The following MYH16 variants were observed in gnomAD, a reference collection of about 807,000 sequenced individuals.
The protein encoded by MYH16 is myosin heavy chain 16, also known as putative uncharacterized protein MYH16.
At chr7:99,279,808 G>T (rs977663863) in intron 22 of MYH16, 71 bp downstream of exon 4, 1 of 410,020 alleles carries the variant, frequency 2.4e-6, no homozygotes, top group African/African-American at 2.1e-5. Context: ...AAGCCCCTAT[G>T]GTGGCTACAC....
intron 14 of MYH16, chr7:99,263,468 T>C (rs550295721): frequency 3.7e-4 from 57 of 152,786 alleles, no homozygotes; most frequent in Admixed American, 5.9e-4. Flanking sequence ...CAGGTAGGGC[T>C]GACCCCTTGT....
intron 1 of MYH16, among the ~76,000 whole-genome samples, chr7:99,241,761 A>G (rs778861152): frequency 5.9e-5 from 9 of 152,174 alleles, no homozygotes; most frequent in Non-Finnish European, 1.2e-4. Context: ...TTCAGGCCTC[A>G]CATCTAAGGT....
In MYH16 at chr7:99,268,904, G is replaced by A. The variant is rs4727430; in HGVS notation, n.2266+1930G>A. On this transcript the variant is annotated intron_variant and non_coding_transcript_variant, in intron 18 of 41. Coordinates refer to ENST00000439784, the Ensembl canonical transcript of MYH16. ...GTTAGGTGCTGTACTCCCTGGCCCCGTGTGGCATTTTGGGTTCCCGCAGCT... is the reference window on the plus strand; with the variant it reads ...GTTAGGTGCTGTACTCCCTGGCCCCATGTGGCATTTTGGGTTCCCGCAGCT... Among the ~76,000 whole-genome samples the A allele has an allele frequency of 2.9e-3, 447 of 152,226 alleles. 12 individuals are homozygous for A. The highest frequency in any genetic ancestry group is 0.025 in the Admixed American group (387 of 15,292).
exon 12 of MYH16, chr7:99,260,192 A>C (rs1791924293): frequency 1.2e-6 from 2 of 1,610,266 alleles, no homozygotes; most frequent in South Asian, 2.2e-5. Context: ...CTATGCATCA[A>C]CTTCACCAAC....
exon 21 of MYH16, chr7:99,277,651 TGGA>T (rs1001205973): frequency 8.8e-6 from 4 of 456,682 alleles, no homozygotes; most frequent in African/African-American, 2.0e-5. Flanking sequence ...GTCAAGGAAC[TGGA>T]GGAGAAGACA....
intron 37 of MYH16, among the ~76,000 whole-genome samples, chr7:99,301,144 T>C (rs10267346): frequency 0.36 from 50,959 of 140,392 alleles, 15,228 homozygotes; most frequent in African/African-American, 0.82. Flanking sequence ...GTAGTGGAGC[T>C]GAGATCATGC....
downstream of MYH16, chr7:99,310,725 C>T (rs942132924): frequency 6.6e-6 from 1 of 152,236 alleles, no homozygotes; most frequent in Non-Finnish European, 1.5e-5. Context: ...ATCTCTCTTT[C>T]TCTCTCTTTC....
intron 20 of MYH16, among the ~76,000 whole-genome samples, chr7:99,275,456 C>A (rs181404064): frequency 1.4e-3 from 217 of 152,330 alleles, no homozygotes; most frequent in African/African-American, 4.3e-3. Flanking sequence ...TGTAGTCTTA[C>A]CTGCTTTAAT....
intron 20 of MYH16, among the ~76,000 whole-genome samples, chr7:99,275,303 T>A (rs1413235672): frequency 1.3e-5 from 2 of 152,176 alleles, no homozygotes; most frequent in Non-Finnish European, 2.9e-5. Context: ...AGCTCATTTT[T>A]AAATTTTTTG....
chr7:99,242,964 G>C (rs1791682128), intron 1 of MYH16, among the ~76,000 whole-genome samples: 1 of 152,226 alleles, frequency 6.6e-6, no homozygotes, highest in Non-Finnish European at 1.5e-5. Context: ...AGAGGTCTCT[G>C]TAACATAGGG....
At chr7:99,277,878 CGTGT>C (rs61634087) in intron 21 of MYH16, among the ~76,000 whole-genome samples, 166 bp downstream of exon 3, 12,439 of 121,094 alleles carry the variant, frequency 0.1, 674 homozygotes, top group East Asian at 0.2. Context: ...CCATCCAATT[CGTGT>C]GTGTGTGTGT....
intron 17 of MYH16, among the ~76,000 whole-genome samples, chr7:99,266,644 C>T (rs923306916): frequency 5.3e-5 from 8 of 152,230 alleles, no homozygotes; most frequent in African/African-American, 1.9e-4. Flanking sequence ...CCTGTACCCC[C>T]AACCCACACC....
intron 38 of MYH16, among the ~76,000 whole-genome samples, chr7:99,302,030 A>G (rs1792601958): frequency 6.6e-6 from 1 of 152,186 alleles, no homozygotes; most frequent in Non-Finnish European, 1.5e-5. Flanking sequence ...TGGGCCAGGC[A>G]CTGTGGCTCA....
chr7:99,247,719 C>T (rs538557533), exon 3 of MYH16: 3 of 196,382 alleles, frequency 1.5e-5, no homozygotes, highest in Middle Eastern at 1.6e-3. Flanking sequence ...TCTTCTCCAT[C>T]TCTGACAACG....
exon 6 of MYH16, chr7:99,251,113 T>A (rs1357577073): frequency 4.6e-6 from 1 of 219,506 alleles, no homozygotes; most frequent in East Asian, 1.1e-4. Context: ...GAGGATCAAG[T>A]CATCCAGGCA....
At position 99,240,331 on chromosome 7, in the gene MYH16, G is replaced by A. The variant is rs572094806; in HGVS notation, n.210+1293G>A. Among the ~76,000 whole-genome samples, 11 of 152,158 alleles carry A rather than the reference G, an allele frequency of 7.2e-5. No individual in the cohort carries two copies. In the South Asian group the frequency reaches 2.1e-3, roughly 29 times the overall value. Reference sequence around the variant, plus strand: ...TATGTCACCATTCCATCCCTTCATGGTGGGCTGCCAAGAGGGAGGCATGAG... The same window carrying A: ...TATGTCACCATTCCATCCCTTCATGATGGGCTGCCAAGAGGGAGGCATGAG... On this transcript the variant is annotated intron_variant and non_coding_transcript_variant, in intron 1 of 41. Coordinates refer to ENST00000439784, the Ensembl canonical transcript of MYH16.
intron 19 of MYH16, among the ~76,000 whole-genome samples, 101 bp from the exon 1 acceptor site, chr7:99,272,738 C>A (rs1377061914): frequency 6.6e-6 from 1 of 151,444 alleles, no homozygotes; most frequent in Non-Finnish European, 1.5e-5. Flanking sequence ...CAGAGTGAGA[C>A]CCTGTCTCAA....
intron 39 of MYH16, among the ~76,000 whole-genome samples, chr7:99,303,498 A>T (rs1792636216): frequency 1.3e-5 from 2 of 152,220 alleles, no homozygotes; most frequent in African/African-American, 4.8e-5. Flanking sequence ...TTTGGCAATG[A>T]GATGCATTAA....
At chr7:99,276,244 C>G (rs2150817986) in intron 20 of MYH16, among the ~76,000 whole-genome samples, 1 of 152,348 alleles carries the variant, frequency 6.6e-6, no homozygotes. Context: ...TTCTCAACAG[C>G]CAGGCTGGCA....
Sources: allele counts gnomAD v4.1 joint callset (sites outside exome capture counted in the v4.1 genomes callset), GRCh38; gene constraint gnomAD v4.1.1; transcripts MANE v1.5; gene names NCBI Gene and HGNC (gene_info 2026-07-23, HGNC 2026-07-21).